Variants in CEP120 observed in about 807,000 individuals in gnomAD.
The protein encoded by CEP120 is centrosomal protein of 120 kDa.
A neutral mutation model predicts 126.5 loss-of-function variants in CEP120; 113 were observed. That is an observed-to-expected ratio of 0.89 (90% CI 0.77 to 1.04). The LOEUF (loss-of-function observed/expected upper bound fraction) is 1.04, where lower values mean the gene tolerates loss of function less well. Ranked by LOEUF, CEP120 falls within the 50% of genes least tolerant of loss-of-function variation. The probability of loss-of-function intolerance (pLI) is 0.00; values close to 1 mark genes in which losing one functional copy is unlikely to be tolerated. For synonymous variants in CEP120, 400 were observed against 394.3 expected (o/e 1.01, Z -0.17); for missense variants, 1,230 against 1,155.7 (o/e 1.06, Z -0.93).
In CEP120 at chr5:123,382,123, T is replaced by C; in HGVS notation, c.2091A>G (p.Leu697=). The change falls in exon 14 of 20, where the codon CTA becomes CTG. Residue 697 remains leucine (L), a synonymous_variant. Coordinates refer to ENST00000306467, the MANE Select transcript of CEP120 (RefSeq NM_001375405.1). ...CACAAGTTATTACCTTTTTCTTTAC[T>C]AGTGATTCTCTTTCTCGGTCCCTTT... ...WKKRDRERES[L]VKKKVAEYTI... 1.2e-6 allele frequency: 2 copies of C among 1,600,754 alleles called. No individual in the cohort carries two copies. The highest frequency in any genetic ancestry group is 1.7e-6 in the Non-Finnish European group (2 of 1,171,082).
intron 18 of CEP120, among the ~76,000 whole-genome samples, chr5:123,351,472 T>C (rs1051382154): frequency 6.6e-6 from 1 of 152,186 alleles, no homozygotes; most frequent in African/African-American, 2.4e-5. Context: ...GAAGATTTTA[T>C]ACATGTCTTT....
rs976326782 is a variant in CEP120, at chr5:123,345,456, A to G, written c.*1063T>C. On this transcript the variant is annotated 3_prime_UTR_variant, in exon 20 of 20. Coordinates refer to ENST00000306467, the MANE Select transcript of CEP120 (RefSeq NM_001375405.1). ...ATATTTGGAAATCAGAACTTTTTAA[A>G]GTACATATATTTTGAAATTCAACCT... is the stretch of plus-strand genomic sequence containing the variant. The G allele has an allele frequency of 6.6e-6, 1 of 152,200 alleles. No homozygotes were observed. The highest frequency in any genetic ancestry group is 1.5e-5 in the Non-Finnish European group (1 of 68,040). 9.4% of individuals were successfully genotyped at this position (152,200 alleles called of 1,614,324 possible).
chr5:123,362,137 T>C (rs540402223), intron 18 of CEP120, among the ~76,000 whole-genome samples: 18 of 151,872 alleles, frequency 1.2e-4, no homozygotes, highest in Admixed American at 1.1e-3. Flanking sequence ...CTCTCTATTA[T>C]ACTACATGCA....
intron 3 of CEP120, 112 bp from the exon 4 acceptor site, chr5:123,412,652 AC>A (rs1400321365): frequency 4.1e-6 from 3 of 724,200 alleles, no homozygotes; most frequent in Non-Finnish European, 5.9e-6. Context: ...TACTTTATAA[AC>A]AATTTTTTTT....
At chr5:123,418,582 GT>G (rs1210259958) in intron 1 of CEP120, 67 bp from the exon 2 acceptor site, 13 of 1,215,096 alleles carry the variant, frequency 1.1e-5, no homozygotes, top group South Asian at 9.7e-5. Flanking sequence ...TTTACCATGT[GT>G]TTTTTTGTTT....
chr5:123,421,687 C>G (rs1774726148), intron 1 of CEP120, among the ~76,000 whole-genome samples: 1 of 151,644 alleles, frequency 6.6e-6, no homozygotes, highest in African/African-American at 2.4e-5. Flanking sequence ...GATCTCCCCA[C>G]GTGGACAGAC....
At chr5:123,379,539 A>G (rs1173794989) in intron 14 of CEP120, among the ~76,000 whole-genome samples, 1 of 152,098 alleles carries the variant, frequency 6.6e-6, no homozygotes, top group South Asian at 2.1e-4. Context: ...AAAATGGTAC[A>G]TAACTACCAT....
intron 18 of CEP120, among the ~76,000 whole-genome samples, chr5:123,353,706 G>A (rs979323745): frequency 6.6e-6 from 1 of 151,796 alleles, no homozygotes; most frequent in Non-Finnish European, 1.5e-5. Context: ...GTTTCTTGGT[G>A]TATCAGTTTT....
intron 3 of CEP120, among the ~76,000 whole-genome samples, chr5:123,414,834 T>C (rs1024264236): frequency 6.6e-6 from 1 of 151,204 alleles, no homozygotes; most frequent in Non-Finnish European, 1.5e-5. Context: ...TAGCTGGGCA[T>C]GGTGGCGGGT....
chr5:123,403,177 G>A, intron 4 of CEP120: 1 of 416,468 alleles, frequency 2.4e-6, no homozygotes, highest in East Asian at 7.1e-5. Flanking sequence ...TCTACTGAAA[G>A]GGCCTGGGAA....
intron 17 of CEP120, among the ~76,000 whole-genome samples, chr5:123,369,224 A>G (rs1441391195): frequency 6.6e-6 from 1 of 151,998 alleles, no homozygotes; most frequent in African/African-American, 2.4e-5. Flanking sequence ...CTTAACTTTT[A>G]TATTTACAAA....
intron 3 of CEP120, among the ~76,000 whole-genome samples, chr5:123,413,539 G>C (rs1373410572): frequency 6.6e-6 from 1 of 151,992 alleles, no homozygotes; most frequent in African/African-American, 2.4e-5. Flanking sequence ...TATATTATTA[G>C]GGCAGGAACC....
Position 123,391,100 on chromosome 5 carries a change from C to A in CEP120, c.1038+10G>T. The A allele has an allele frequency of 6.2e-7, 1 of 1,600,670 alleles. No individual in the cohort carries two copies. Among genetic ancestry groups the A allele is most frequent in the Middle Eastern group, 1.7e-4 (1 of 5,990 alleles). ...TGAAGCCAGGGGAATGAAGGAGGGC[C>A]ACTACTTGCCTGGGAGTCTATGCCT... On this transcript the variant is annotated intron_variant, in intron 7 of 19. Transcript: ENST00000306467.
In CEP120 at chr5:123,346,749, T is replaced by C; in HGVS notation, c.2731A>G (p.Arg911Gly). The change falls in exon 20 of 20, where the codon AGG (arginine) becomes GGG (glycine). Residue 911 changes from arginine to glycine, a missense_variant. Physicochemically the swap from Arg to Gly is moderately radical, Grantham distance 125. Transcript: ENST00000306467. ...LDIRNELNRL[R>G]QQEQKQYQDS... is the part of the protein sequence containing the mutation. ...TGGTATTGTTTTTGCTCTTGTTGCC[T>C]TAACCTGAGAAGTCAAGAACAAATG... The C allele has an allele frequency of 6.3e-7, 1 of 1,597,648 alleles. No individual in the cohort carries two copies. Among genetic ancestry groups the C allele is most frequent in the Non-Finnish European group, 8.5e-7 (1 of 1,174,080 alleles).
intron 5 of CEP120, among the ~76,000 whole-genome samples, chr5:123,395,395 T>C (rs1277073805): frequency 6.6e-6 from 1 of 152,190 alleles, no homozygotes; most frequent in African/African-American, 2.4e-5. Context: ...TGTTTATTGC[T>C]AGATGCTTTC....
At chr5:123,410,741 A>G (rs1391675280) in intron 4 of CEP120, among the ~76,000 whole-genome samples, 1 of 152,196 alleles carries the variant, frequency 6.6e-6, no homozygotes, top group African/African-American at 2.4e-5. Context: ...CTAGAAGATA[A>G]CAAAGGAGAA....
At position 123,364,350 on chromosome 5, in the gene CEP120, T is replaced by A. The variant is rs1770303209; in HGVS notation, c.2580+146A>T. The A allele has an allele frequency of 5.1e-6, 2 of 390,968 alleles. 1 individual carries two copies. The highest frequency in any genetic ancestry group is 4.1e-5 in the African/African-American group (2 of 48,324). 24.2% of individuals were successfully genotyped at this position (390,968 alleles called of 1,614,324 possible). Reference sequence around the variant, plus strand: ...ATAAAAAAGAAGGATCTTGCCTTTATAACATATTTTTATAAAAGCCTCTAA... The same window carrying A: ...ATAAAAAAGAAGGATCTTGCCTTTAAAACATATTTTTATAAAAGCCTCTAA... On this transcript the variant is annotated intron_variant, in intron 18 of 19. Transcript: ENST00000306467.
At chr5:123,360,964 A>G (rs1770034909) in intron 18 of CEP120, among the ~76,000 whole-genome samples, 1 of 151,908 alleles carries the variant, frequency 6.6e-6, no homozygotes. Context: ...TGAACATGAC[A>G]AAGTAAAAAG....
chr5:123,358,092 T>C (rs1428382), intron 18 of CEP120, among the ~76,000 whole-genome samples: 108,743 of 151,990 alleles, frequency 0.72, 39,037 homozygotes, highest in African/African-American at 0.75. Context: ...CTGGATAAAA[T>C]TGTGCAATAT....
Sources: gnomAD v4.1 joint callset for allele counts (sites outside exome capture counted in the v4.1 genomes callset) on GRCh38, gnomAD v4.1.1 for gene constraint, MANE v1.5 for transcripts, NCBI Gene and HGNC (gene_info 2026-07-23, HGNC 2026-07-21) for gene names.